Variants in TOP2A observed in about 807,000 individuals in gnomAD.
TOP2A encodes the protein DNA topoisomerase 2-alpha.
Under a neutral mutation model 187.2 loss-of-function variants are expected in TOP2A, and 68 were observed. That is an observed-to-expected ratio of 0.36 (90% CI 0.30 to 0.44). The LOEUF is 0.44. Among genes scored for constraint, TOP2A ranks in the 20% least tolerant of loss-of-function variants. The pLI is 1.00. For missense variants in TOP2A, 1,196 were observed against 1,808.7 expected (o/e 0.66, Z 6.14); for synonymous variants, 542 against 593.2 (o/e 0.91, Z 1.25).
At chr17:40,401,969 T>G (rs1598613376) in intron 20 of TOP2A, among the ~76,000 whole-genome samples, 1 of 152,106 alleles carries the variant, frequency 6.6e-6, no homozygotes, top group Non-Finnish European at 1.5e-5. Context: ...CTCTGAGCAG[T>G]TGAAGGTTCT....
At position 40,389,477 on chromosome 17, in the gene TOP2A, T is replaced by G. The variant is rs1450754630; in HGVS notation, c.*42A>C. 1 of 1,556,842 alleles carries G rather than the reference T, an allele frequency of 6.4e-7. No individual in the cohort carries two copies. The highest frequency in any genetic ancestry group is 1.9e-5 in the Admixed American group (1 of 51,366). Reference sequence around the variant, plus strand: ...CTTCAGGTAACTTTAAAACCAGTCTTGGGCTTGGTAAGATAATTACTTAAA... The same window carrying G: ...CTTCAGGTAACTTTAAAACCAGTCTGGGGCTTGGTAAGATAATTACTTAAA... On this transcript the variant is annotated 3_prime_UTR_variant, in exon 35 of 35. Transcript: ENST00000423485.
rs927784603 is a variant in TOP2A, at chr17:40,412,651, C to A, written c.789+108G>T. ...AGTGTGAGACTCTGTCTCAAACAAA[C>A]AAACAAACAAACAAACAAAAACATA... On this transcript the variant is annotated intron_variant, in intron 7 of 34. Transcript: ENST00000423485. The A allele has an allele frequency of 6.3e-6, 6 of 944,914 alleles. No homozygotes were observed. The Admixed American group carries it at 9.1e-5, about 14-fold the overall frequency. 58.5% of individuals were successfully genotyped at this position (944,914 alleles called of 1,614,324 possible). A position where few individuals can be genotyped will look rare whatever the true frequency, so the allele number is the denominator to read the frequency against.
In TOP2A at chr17:40,411,016, A is replaced by G. The variant is rs1331009117; in HGVS notation, c.1203+93T>C. 3 of 1,296,702 alleles carry G rather than the reference A, an allele frequency of 2.3e-6. No individual in the cohort carries two copies. Among genetic ancestry groups the G allele is most frequent in the Admixed American group, 3.1e-5 (1 of 32,536 alleles). 80.3% of individuals were successfully genotyped at this position (1,296,702 alleles called of 1,614,324 possible). A position where few individuals can be genotyped will look rare whatever the true frequency, so the allele number is the denominator to read the frequency against. On this transcript the variant is annotated intron_variant, in intron 10 of 34. Coordinates refer to ENST00000423485, the MANE Select transcript of TOP2A (RefSeq NM_001067.4). The surrounding 1 kb of genome is among the most constrained non-coding windows in gnomAD (Gnocchi z 4.4). ...AGATTGGGAAGACTTGGAGAAGCTC[A>G]CTATGAGAAGAATCATTGTTTCTGC...
chr17:40,389,934 A>G, intron 34 of TOP2A, 31 bp downstream of exon 34: 2 of 1,585,678 alleles, frequency 1.3e-6, no homozygotes, highest in East Asian at 2.2e-5. Context: ...GAACATCTAC[A>G]GCAAAAGGAC....
At chr17:40,399,828 C>T (rs2035152988) in intron 24 of TOP2A, 44 bp downstream of exon 24, 7 of 1,501,986 alleles carry the variant, frequency 4.7e-6, no homozygotes, top group South Asian at 4.0e-5. Context: ...GAAAGTTTGG[C>T]GTAACTAGAG....
At chr17:40,393,457 G>C (rs937430987) in intron 29 of TOP2A, among the ~76,000 whole-genome samples, 1 of 151,934 alleles carries the variant, frequency 6.6e-6, no homozygotes, top group Non-Finnish European at 1.5e-5. Flanking sequence ...GATTGCTTGA[G>C]CCAGGATTTC....
At chr17:40,410,990 C>G (rs888594302) in intron 10 of TOP2A, 119 bp downstream of exon 10, 116 of 1,057,386 alleles carry the variant, frequency 1.1e-4, no homozygotes, top group Non-Finnish European at 1.4e-4. Context: ...ACTTCCTTTT[C>G]AGATTGGGAA....
At chr17:40,396,226 C>A (rs1006323479) in intron 28 of TOP2A, 57 bp downstream of exon 28, 3 of 934,556 alleles carry the variant, frequency 3.2e-6, no homozygotes, top group Non-Finnish European at 4.9e-6. Context: ...AGTGATCCAC[C>A]CACCTTGGCC....
chr17:40,410,899 T>A (rs1390411813), intron 10 of TOP2A, among the ~76,000 whole-genome samples: 1 of 152,212 alleles, frequency 6.6e-6, no homozygotes, highest in Admixed American at 6.5e-5. Flanking sequence ...CTAAGCTTAA[T>A]GGTAAAATGT....
chr17:40,404,318 C>G, intron 18 of TOP2A, 45 bp from the exon 19 acceptor site: 1 of 1,608,334 alleles, frequency 6.2e-7, no homozygotes. Context: ...TCAATTTAAC[C>G]AATTTTGGAA....
chr17:40,391,448 C>T (rs2143619697), intron 33 of TOP2A, 58 bp downstream of exon 33: 1 of 1,494,274 alleles, frequency 6.7e-7, no homozygotes, highest in Non-Finnish European at 8.9e-7. Flanking sequence ...TTGAAATAGA[C>T]ACGTGGAAAC....
intron 10 of TOP2A, chr17:40,408,947 C>A: frequency 2.2e-6 from 1 of 463,990 alleles, no homozygotes; most frequent in Non-Finnish European, 4.2e-6. Flanking sequence ...ATAATCCCAG[C>A]ACTTTAGGAG....
intron 10 of TOP2A, among the ~76,000 whole-genome samples, chr17:40,410,865 C>T (rs891170319): frequency 2.6e-5 from 4 of 152,188 alleles, no homozygotes; most frequent in African/African-American, 9.7e-5. Flanking sequence ...GTTTGTTAAA[C>T]AGCTAGATTA....
chr17:40,410,820 G>A, intron 10 of TOP2A: 1 of 423,676 alleles, frequency 2.4e-6, no homozygotes. Flanking sequence ...TGGATGTGTT[G>A]ACTGAAAGCA....
intron 27 of TOP2A, among the ~76,000 whole-genome samples, chr17:40,397,009 A>G (rs2035109258): frequency 6.6e-6 from 1 of 151,340 alleles, no homozygotes; most frequent in Non-Finnish European, 1.5e-5. Context: ...TGGCCTCCGG[A>G]GTAGCTGAGA....
At chr17:40,414,680 C>T (rs2035368265) in intron 4 of TOP2A, among the ~76,000 whole-genome samples, 1 of 151,626 alleles carries the variant, frequency 6.6e-6, no homozygotes, top group African/African-American at 2.4e-5. Context: ...ATGCAGAAAC[C>T]CCATCTCTAC....
intron 20 of TOP2A, among the ~76,000 whole-genome samples, chr17:40,401,653 G>A (rs957329864): frequency 1.3e-5 from 2 of 152,022 alleles, no homozygotes; most frequent in African/African-American, 4.8e-5. Flanking sequence ...AGGTTGCAAT[G>A]AGCCGAAATT....
chr17:40,396,560 T>C, intron 27 of TOP2A, 95 bp from the exon 28 acceptor site: 1 of 1,454,248 alleles, frequency 6.9e-7, no homozygotes, highest in Non-Finnish European at 9.3e-7. Context: ...TTTTGTTACA[T>C]CTTAAAAACT....
intron 27 of TOP2A, 127 bp downstream of exon 27, chr17:40,398,431 G>A (rs907135476): frequency 7.2e-6 from 6 of 827,976 alleles, no homozygotes; most frequent in Admixed American, 5.9e-5. Context: ...TACGCTATTT[G>A]GAATTTATCC....
Sources: allele counts gnomAD v4.1 joint callset (sites outside exome capture counted in the v4.1 genomes callset), GRCh38; gene constraint gnomAD v4.1.1; non-coding constraint Gnocchi (gnomAD v3.1); transcripts MANE v1.5; gene names NCBI Gene and HGNC (gene_info 2026-07-23, HGNC 2026-07-21).